Variants in PIK3C2G observed in about 807,000 individuals in gnomAD.
The protein encoded by PIK3C2G is phosphatidylinositol-4-phosphate 3-kinase catalytic subunit type 2 gamma.
Under a neutral mutation model 181.1 loss-of-function variants are expected in PIK3C2G, and 168 were observed. That is an observed-to-expected ratio of 0.93 (90% CI 0.82 to 1.05). The LOEUF (loss-of-function observed/expected upper bound fraction) is 1.05. Among genes scored for constraint, PIK3C2G ranks in the 50% least tolerant of loss-of-function variants. The pLI is 0.00. For synonymous variants in PIK3C2G, 573 were observed against 592.2 expected, an observed-to-expected ratio of 0.97 and a Z score of 0.47; for missense variants, 1,869 against 1,732.8, an observed-to-expected ratio of 1.08 and a Z score of -1.40.
chr12:18,554,850 T>G (rs899273465), intron 26 of PIK3C2G, among the ~76,000 whole-genome samples: 2 of 152,096 alleles, frequency 1.3e-5, no homozygotes, highest in Non-Finnish European at 2.9e-5. Flanking sequence ...ATTGTTCCCC[T>G]TGAATGATTA....
chr12:18,397,278 TA>T (rs1257742346), intron 15 of PIK3C2G, among the ~76,000 whole-genome samples: 3 of 151,964 alleles, frequency 2.0e-5, no homozygotes, highest in African/African-American at 7.2e-5. Flanking sequence ...ATAAAGAAAG[TA>T]ATAACTATTT....
intron 29 of PIK3C2G, among the ~76,000 whole-genome samples, chr12:18,592,758 T>A (rs989141496): frequency 4.6e-5 from 7 of 151,924 alleles, no homozygotes; most frequent in African/African-American, 1.4e-4. Context: ...ATTGACCATA[T>A]TTTATGTTGA....
At chr12:18,274,401 C>T (rs1328043775) in intron 1 of PIK3C2G, among the ~76,000 whole-genome samples, 2 of 152,140 alleles carry the variant, frequency 1.3e-5, no homozygotes, top group African/African-American at 4.8e-5. Context: ...TTGGAACCAA[C>T]CCAAATGTCC....
chr12:18,323,981 G>A (rs566137805), intron 7 of PIK3C2G, among the ~76,000 whole-genome samples: 2 of 152,238 alleles, frequency 1.3e-5, no homozygotes, highest in South Asian at 4.2e-4. Context: ...AGCACTTTGG[G>A]ACGCCGAGGT....
At chr12:18,700,984 ATTT>A in the PIK3C2G span, among the ~76,000 whole-genome samples, 73,503 of 149,446 alleles carry the variant, frequency 0.49, 19,370 homozygotes, top group South Asian at 0.63. Context: ...AATTATAGAG[ATTT>A]TTTTTTTTTT....
chr12:18,514,293 G>C (rs1434394785), intron 24 of PIK3C2G, among the ~76,000 whole-genome samples: 2 of 151,776 alleles, frequency 1.3e-5, no homozygotes, highest in Non-Finnish European at 1.5e-5. Context: ...TGAGAAGAAT[G>C]GGTATCCTAC....
chr12:18,329,096 G>T lies in PIK3C2G; in HGVS notation c.1272+3998G>T, dbSNP rs188700073. Among the ~76,000 whole-genome samples the T allele has an allele frequency of 9.0e-4, 136 of 151,948 alleles. 1 individual carries two copies. The highest frequency in any genetic ancestry group is 3.2e-3 in the African/African-American group (132 of 41,496). ...TTGTACTAAAAGTCAAAGCTATCAT[G>T]TATAGAACACTCTCAGACTTGAAGA... is the stretch of plus-strand genomic sequence containing the variant. On this transcript the variant is annotated intron_variant, in intron 8 of 32. Coordinates refer to ENST00000538779, the MANE Select transcript of PIK3C2G (RefSeq NM_001288772.2).
chr12:18,609,634 G>A lies in PIK3C2G; in HGVS notation c.4182+5G>A. The A allele has an allele frequency of 1.3e-6, 2 of 1,501,022 alleles. No individual in the cohort carries two copies. Among genetic ancestry groups the A allele is most frequent in the Non-Finnish European group, 1.8e-6 (2 of 1,097,730 alleles). The allele number at this position is 1,501,022 out of a possible 1,614,324, so 93.0% of individuals were successfully genotyped here. On this transcript the variant is annotated splice_donor_5th_base_variant and intron_variant, in intron 31 of 32. Coordinates refer to ENST00000538779, the MANE Select transcript of PIK3C2G (RefSeq NM_001288772.2). ...GTGAAACACATGAAAAACATTGTAA[G>A]TTTATTATGTATAATAAGAAACATG...
At chr12:18,364,106 C>T (rs1338821876) in intron 12 of PIK3C2G, among the ~76,000 whole-genome samples, 1 of 152,208 alleles carries the variant, frequency 6.6e-6, no homozygotes, top group Non-Finnish European at 1.5e-5. Flanking sequence ...CTACCTATCT[C>T]TGCATCTTTA....
intron 5 of PIK3C2G, among the ~76,000 whole-genome samples, chr12:18,298,608 T>TA (rs1231836222): frequency 6.6e-6 from 1 of 151,832 alleles, no homozygotes; most frequent in Non-Finnish European, 1.5e-5. Context: ...GTATTAGCCA[T>TA]AAAAAACTTG....
intron 5 of PIK3C2G, among the ~76,000 whole-genome samples, chr12:18,310,478 G>C (rs1228428931): frequency 4.0e-5 from 6 of 151,836 alleles, no homozygotes; most frequent in Admixed American, 3.9e-4. Context: ...AGTGATAAAA[G>C]AATCTGGAGC....
chr12:18,406,963 C>T (rs969810504), intron 16 of PIK3C2G, among the ~76,000 whole-genome samples: 1 of 152,110 alleles, frequency 6.6e-6, no homozygotes, highest in African/African-American at 2.4e-5. Flanking sequence ...CAGTTGATAA[C>T]ATAAGCTTTG....
Position 18,293,964 on chromosome 12 carries a change from T to C in PIK3C2G, c.983T>C (p.Leu328Pro), listed in dbSNP as rs1348518436. ...ILHFCTNDQL[L>P]PKDHILSVCG... ...CATTTTTGCACAAATGACCAGCTAC[T>C]CCCCAAAGATCATATTCTAAGTGTA... Residue 328 changes from leucine to proline, a missense_variant, in exon 5 of 33, where the codon CTC becomes CCC. Coordinates refer to ENST00000538779, the MANE Select transcript of PIK3C2G (RefSeq NM_001288772.2). The C allele has an allele frequency of 3.7e-6, 6 of 1,601,310 alleles. No individual in the cohort carries two copies. In the African/African-American group the frequency reaches 8.0e-5, roughly 21 times the overall value.
intron 3 of PIK3C2G, among the ~76,000 whole-genome samples, chr12:18,288,189 T>C (rs116269409): frequency 0.018 from 2,769 of 152,228 alleles, 80 homozygotes; most frequent in African/African-American, 0.062. Flanking sequence ...GATAAACTAA[T>C]GCATTCATAT....
At chr12:18,367,445 T>C (rs1941719861) in intron 12 of PIK3C2G, among the ~76,000 whole-genome samples, 1 of 152,200 alleles carries the variant, frequency 6.6e-6, no homozygotes, top group South Asian at 2.1e-4. Flanking sequence ...CTCACTCTAG[T>C]ATTTTCTTTA....
At chr12:18,568,476 T>C (rs1171297735) in intron 29 of PIK3C2G, among the ~76,000 whole-genome samples, 1 of 151,666 alleles carries the variant, frequency 6.6e-6, no homozygotes, top group African/African-American at 2.4e-5. Context: ...GCTCACATGA[T>C]TGTGGAGGTG....
chr12:18,375,749 A>G (rs1266472172), intron 13 of PIK3C2G, among the ~76,000 whole-genome samples: 1 of 152,222 alleles, frequency 6.6e-6, no homozygotes, highest in Non-Finnish European at 1.5e-5. Context: ...CTAGGAGGAA[A>G]GAATGGTTTC....
In PIK3C2G at chr12:18,282,693, T is replaced by C; in HGVS notation, c.612T>C (p.Ser204=). The C allele has an allele frequency of 6.2e-7, 1 of 1,613,222 alleles. No individual in the cohort carries two copies. Among genetic ancestry groups the C allele is most frequent in the Non-Finnish European group, 8.5e-7 (1 of 1,179,544 alleles). The change falls in exon 2 of 33, where the codon TCT becomes TCC. Residue 204 remains serine (S), a synonymous_variant. Coordinates refer to ENST00000538779, the MANE Select transcript of PIK3C2G (RefSeq NM_001288772.2). The stretch of plus-strand genomic sequence containing the variant: ...GACATGTGAACATTGTGGAACCATC[T>C]TTGATGCTTTTGAAAGGCTCTCTTC... ...RSGHVNIVEP[S]LMLLKGSLQP...
chr12:18,391,728 A>T (rs1943543449), intron 15 of PIK3C2G, among the ~76,000 whole-genome samples: 1 of 152,104 alleles, frequency 6.6e-6, no homozygotes, highest in African/African-American at 2.4e-5. Flanking sequence ...ATAGAACCAA[A>T]ATCCCAGGAA....
Sources: gnomAD v4.1 joint callset for allele counts (sites outside exome capture counted in the v4.1 genomes callset) on GRCh38, gnomAD v4.1.1 for gene constraint, MANE v1.5 for transcripts, NCBI Gene and HGNC (gene_info 2026-07-23, HGNC 2026-07-21) for gene names.